The following FUT8 variants were observed in gnomAD, a reference collection of about 807,000 sequenced individuals.
FUT8 encodes the protein alpha-(1,6)-fucosyltransferase.
In FUT8, 29 loss-of-function variants were observed where a neutral mutation model predicts 71.3. The observed-to-expected ratio is 0.41, with a 90% confidence interval of 0.30 to 0.55. FUT8 has a LOEUF of 0.55. FUT8 is among the 20% of genes least tolerant of loss of function. FUT8 has a pLI of 0.34. For synonymous variants in FUT8, 254 were observed against 239.3 expected, an observed-to-expected ratio of 1.06 and a Z score of -0.57; for missense variants, 544 against 702.1, an observed-to-expected ratio of 0.77 and a Z score of 2.55.
At chr14:65,435,823 T>C (rs934324931) in intron 1 of FUT8, among the ~76,000 whole-genome samples, 4 of 151,512 alleles carry the variant, frequency 2.6e-5, no homozygotes, top group African/African-American at 7.3e-5. Flanking sequence ...TTAGCTCTTA[T>C]AATAGGTGTA....
At position 65,614,111 on chromosome 14, in the gene FUT8, C is replaced by CAAA. The variant is rs33994378; in HGVS notation, c.204-1853_204-1851dup. 3.9e-3 allele frequency among the ~76,000 whole-genome samples: 520 copies of CAAA among 134,398 alleles called. 4 individuals are homozygous for CAAA. Among genetic ancestry groups the CAAA allele is most frequent in the Admixed American group, 0.011 (142 of 13,392 alleles). 88.2% of individuals were successfully genotyped at this position (134,398 alleles called of 152,430 possible). On this transcript the variant is annotated intron_variant, in intron 3 of 10. Transcript: ENST00000673929. ...CCTGGGTGACAAATCGAGACTGTGT[C>CAAA]AAAAAAAAAAAAAAAAGACTGTGTT...
At chr14:65,375,349 G>A in the FUT8 span, among the ~76,000 whole-genome samples, 1 of 152,076 alleles carries the variant, frequency 6.6e-6, no homozygotes, top group East Asian at 1.9e-4. Context: ...ACCAGGTGGG[G>A]TGGCTCACAC....
At chr14:65,441,084 A>AT (rs569680577) in intron 1 of FUT8, among the ~76,000 whole-genome samples, 213 of 152,178 alleles carry the variant, frequency 1.4e-3, no homozygotes, top group African/African-American at 4.5e-3. Flanking sequence ...TTTTACACAG[A>AT]TTTTTTTTAG....
At chr14:65,416,981 T>G (rs1198269872) in intron 1 of FUT8, among the ~76,000 whole-genome samples, 1 of 152,120 alleles carries the variant, frequency 6.6e-6, no homozygotes, top group African/African-American at 2.4e-5. Context: ...AGATGAGACC[T>G]TGGTATGTTG....
chr14:65,742,429 A>C lies in FUT8; in HGVS notation c.*19A>C, dbSNP rs552036632. The C allele has an allele frequency of 5.4e-5, 87 of 1,600,398 alleles. 1 individual carries two copies. In the South Asian group the frequency reaches 8.9e-4, roughly 16 times the overall value. ...GAAATAAAGCTCAGATGGAAGAGAT[A>C]AACGACCAAACTCAGTTCGACCAAA... On this transcript the variant is annotated 3_prime_UTR_variant, in exon 11 of 11. Transcript: ENST00000673929.
At chr14:65,438,924 T>C (rs1849916293) in intron 1 of FUT8, among the ~76,000 whole-genome samples, 2 of 152,342 alleles carry the variant, frequency 1.3e-5, no homozygotes, top group Non-Finnish European at 2.9e-5. Flanking sequence ...TTAACAGGAA[T>C]ATGAAGGAAT....
At chr14:65,504,225 TTAAC>T (rs984556689) in intron 2 of FUT8, among the ~76,000 whole-genome samples, 9 of 152,240 alleles carry the variant, frequency 5.9e-5, no homozygotes, top group African/African-American at 2.2e-4. Flanking sequence ...AAAATTTTTT[TTAAC>T]TAAATTTGTT....
At chr14:65,494,049 G>A (rs2066522766) in intron 2 of FUT8, among the ~76,000 whole-genome samples, 1 of 152,106 alleles carries the variant, frequency 6.6e-6, no homozygotes, top group African/African-American at 2.4e-5. Context: ...AAACATGCAA[G>A]TTTGATCTTT....
chr14:65,739,018 A>G (rs946742760), intron 10 of FUT8, among the ~76,000 whole-genome samples: 3 of 152,116 alleles, frequency 2.0e-5, no homozygotes, highest in Non-Finnish European at 4.4e-5. Flanking sequence ...TGGCTCTGCC[A>G]TTAACTAGTT....
chr14:65,519,186 C>G (rs1882916701), intron 2 of FUT8, among the ~76,000 whole-genome samples: 1 of 152,038 alleles, frequency 6.6e-6, no homozygotes, highest in African/African-American at 2.4e-5. Context: ...TGGAACGTGT[C>G]CCATCGTATT....
intron 7 of FUT8, among the ~76,000 whole-genome samples, chr14:65,705,295 A>G (rs1894503008): frequency 6.6e-6 from 1 of 152,218 alleles, no homozygotes; most frequent in South Asian, 2.1e-4. Context: ...TTAATAGTAT[A>G]ACATATCTTT....
intron 7 of FUT8, among the ~76,000 whole-genome samples, chr14:65,709,464 A>T (rs908924835): frequency 3.3e-5 from 5 of 152,222 alleles, no homozygotes; most frequent in African/African-American, 1.2e-4. Flanking sequence ...TTCTGATTAC[A>T]TCAAAAAGAA....
In FUT8 at chr14:65,716,383, C is replaced by CTT. The variant is rs1283884145; in HGVS notation, c.836-5379_836-5378dup. On this transcript the variant is annotated intron_variant, in intron 7 of 10. Coordinates refer to ENST00000673929, the MANE Select transcript of FUT8 (RefSeq NM_001371533.1). ...CATTATATAGTGACCTTCTTTGTCC[C>CTT]TTTTTTTTTTTTTTGGAAAATAATG... Among the ~76,000 whole-genome samples, 1,247 of 130,110 alleles carry CTT rather than the reference C, an allele frequency of 9.6e-3. 22 individuals carry two copies. The highest frequency in any genetic ancestry group is 0.034 in the African/African-American group (1,189 of 35,252). The allele number at this position is 130,110 out of a possible 152,430, so 85.4% of individuals were successfully genotyped here.
At position 65,669,655 on chromosome 14, in the gene FUT8, A is replaced by G. The variant is rs957257959; in HGVS notation, c.835+175A>G. On this transcript the variant is annotated intron_variant, in intron 7 of 10. Transcript: ENST00000673929. The surrounding 1 kb of genome is among the most constrained non-coding windows in gnomAD (Gnocchi z 4.5). ...CAGTATTTTATCTTAAAAGTATTTT[A>G]TTATGTATTTCATTTCTGATGCTCA... Among the ~76,000 whole-genome samples, 1 of 152,230 alleles carries G rather than the reference A, an allele frequency of 6.6e-6. No homozygotes were observed. The highest frequency in any genetic ancestry group is 6.5e-5 in the Admixed American group (1 of 15,286).
chr14:65,708,402 T>C (rs1229505693), intron 7 of FUT8, among the ~76,000 whole-genome samples: 1 of 152,240 alleles, frequency 6.6e-6, no homozygotes, highest in Non-Finnish European at 1.5e-5. Context: ...GGCAGTTCTT[T>C]ATAGCAGTAT....
chr14:65,691,190 A>G (rs1933245514), intron 7 of FUT8, among the ~76,000 whole-genome samples: 1 of 151,198 alleles, frequency 6.6e-6, no homozygotes, highest in Non-Finnish European at 1.5e-5. Context: ...CTGTGAACAA[A>G]GATAGTTTTA....
At chr14:65,435,204 A>G (rs2065536540) in intron 1 of FUT8, among the ~76,000 whole-genome samples, 1 of 152,230 alleles carries the variant, frequency 6.6e-6, no homozygotes, top group African/African-American at 2.4e-5. Context: ...ATCGCTAAAT[A>G]TAATATACAA....
chr14:65,362,238 T>A, the FUT8 span, among the ~76,000 whole-genome samples: 1 of 152,236 alleles, frequency 6.6e-6, no homozygotes, highest in African/African-American at 2.4e-5. Context: ...AAATAGTCCC[T>A]GTCAACAATT....
At chr14:65,717,286 T>C (rs1311068282) in intron 7 of FUT8, among the ~76,000 whole-genome samples, 3 of 71,932 alleles carry the variant, frequency 4.2e-5, no homozygotes, top group East Asian at 4.5e-4. Flanking sequence ...CGCTCCTCAC[T>C]TCCCAGACGA....
Sources: gnomAD v4.1 joint callset for allele counts (sites outside exome capture counted in the v4.1 genomes callset) on GRCh38, gnomAD v4.1.1 for gene constraint, Gnocchi (gnomAD v3.1) non-coding constraint, MANE v1.5 for transcripts, NCBI Gene and HGNC (gene_info 2026-07-23, HGNC 2026-07-21) for gene names.